TLE3: variants seen among roughly 807,000 people sequenced by gnomAD.
TLE3 encodes transducin-like enhancer protein 3.
Under a neutral mutation model 93.0 loss-of-function variants are expected in TLE3, and 14 were observed. That is an observed-to-expected ratio of 0.15 (90% CI 0.10 to 0.24). The LOEUF is 0.24. Ranked by LOEUF, TLE3 falls within the 10% of genes least tolerant of loss-of-function variation. TLE3 has a pLI of 1.00. For synonymous variants in TLE3, 451 were observed against 425.0 expected (o/e 1.06, Z -0.75); for missense variants, 693 against 1,046.6 (o/e 0.66, Z 4.66).
chr15:70,062,261 C>T (rs1414413990), intron 8 of TLE3, among the ~76,000 whole-genome samples: 2 of 152,256 alleles, frequency 1.3e-5, no homozygotes, highest in Non-Finnish European at 2.9e-5. Context: ...TTAGCTGCTG[C>T]AATCGCCGGC....
chr15:70,070,595 G>C (rs559191927), intron 6 of TLE3, among the ~76,000 whole-genome samples: 1 of 152,198 alleles, frequency 6.6e-6, no homozygotes, highest in South Asian at 2.1e-4. Context: ...CACGCATTGA[G>C]CTTCTGGGGT....
intron 4 of TLE3, among the ~76,000 whole-genome samples, chr15:70,089,558 A>G (rs2058203956): frequency 6.6e-6 from 1 of 152,230 alleles, no homozygotes; most frequent in African/African-American, 2.4e-5. Flanking sequence ...CTCTACTCTC[A>G]GATAACCTGA....
Position 70,097,751 on chromosome 15 carries a change from C to A in TLE3, c.-953G>T. 2.5e-6 allele frequency: 1 copy of A among 395,044 alleles called. No individual in the cohort carries two copies. The highest frequency in any genetic ancestry group is 3.6e-5 in the East Asian group (1 of 27,894). The allele number at this position is 395,044 out of a possible 1,614,324, so 24.5% of individuals were successfully genotyped here. A position where few individuals can be genotyped will look rare whatever the true frequency, so the allele number is the denominator to read the frequency against. ...TCGGCCCGGCTCTCCTCTCCGCGCC[C>A]CGGCAAACCCCCAAAACACACACAC... On this transcript the variant is annotated 5_prime_UTR_variant, in exon 1 of 20. Coordinates refer to ENST00000451782, the MANE Select transcript of TLE3 (RefSeq NM_001105192.3).
chr15:70,096,199 G>A lies in TLE3; in HGVS notation c.87C>T (p.Ile29=). Reference sequence around the variant, plus strand: ...CTTGCAGGAACTGGAATTCGTCTTTGATCCTGTCACAAGACTCAGCCACCG... The same window carrying A: ...CTTGCAGGAACTGGAATTCGTCTTTAATCCTGTCACAAGACTCAGCCACCG... ...KFTVAESCDR[I]KDEFQFLQAQ... is the part of the protein sequence containing the mutation. The change falls in exon 2 of 20, where the codon ATC becomes ATT. Residue 29 remains isoleucine, a synonymous_variant. Coordinates refer to ENST00000451782, the MANE Select transcript of TLE3 (RefSeq NM_001105192.3). The A allele has an allele frequency of 6.4e-7, 1 of 1,561,764 alleles. No homozygotes were observed. The highest frequency in any genetic ancestry group is 2.4e-5 in the East Asian group (1 of 41,730).
intron 8 of TLE3, among the ~76,000 whole-genome samples, chr15:70,061,122 T>C (rs1328930835): frequency 6.6e-6 from 1 of 151,912 alleles, no homozygotes; most frequent in Non-Finnish European, 1.5e-5. Context: ...CCGACAGGAA[T>C]GGGGAGATTG....
chr15:70,093,856 GCCAT>G (rs2058423288), intron 4 of TLE3, among the ~76,000 whole-genome samples: 1 of 152,168 alleles, frequency 6.6e-6, no homozygotes. Context: ...TCAACCCCCA[GCCAT>G]CTCGAAAGTC....
intron 8 of TLE3, among the ~76,000 whole-genome samples, chr15:70,061,890 G>T (rs760532895): frequency 6.6e-6 from 1 of 152,188 alleles, no homozygotes; most frequent in Non-Finnish European, 1.5e-5. Context: ...GAGGTCATAT[G>T]GAGACCCAGA....
At chr15:70,071,533 C>T (rs1190777211) in intron 6 of TLE3, among the ~76,000 whole-genome samples, 2 of 152,166 alleles carry the variant, frequency 1.3e-5, no homozygotes, top group African/African-American at 2.4e-5. Context: ...CCTGCCCATG[C>T]CGGAGGTATC....
Position 70,058,042 on chromosome 15 carries a change from C to T in TLE3, c.1051+117G>A, listed in dbSNP as rs2056199263. On this transcript the variant is annotated intron_variant, in intron 12 of 19. Coordinates refer to ENST00000451782, the MANE Select transcript of TLE3 (RefSeq NM_001105192.3). The surrounding 1 kb of genome is among the most constrained non-coding windows in gnomAD (Gnocchi z 4.1). ...GACCGTGAAGTCCCCAGGGGCAGGCCCTGGGAGACACTGCCTGTGCTCTAT... is the reference window on the plus strand; with the variant it reads ...GACCGTGAAGTCCCCAGGGGCAGGCTCTGGGAGACACTGCCTGTGCTCTAT... 1 of 1,494,416 alleles carries T rather than the reference C, an allele frequency of 6.7e-7. No homozygotes were observed. Among genetic ancestry groups the T allele is most frequent in the Admixed American group, 2.0e-5 (1 of 48,848 alleles). The allele number at this position is 1,494,416 out of a possible 1,614,324, so 92.6% of individuals were successfully genotyped here.
chr15:70,055,431 C>T (rs549217719), intron 14 of TLE3, 133 bp from the exon 15 acceptor site: 15 of 1,331,410 alleles, frequency 1.1e-5, no homozygotes, highest in South Asian at 4.5e-5. Context: ...TGAAACCATT[C>T]GAACCCAGTA....
intron 4 of TLE3, among the ~76,000 whole-genome samples, chr15:70,090,218 G>C (rs1469972200): frequency 6.6e-6 from 1 of 151,634 alleles, no homozygotes; most frequent in Non-Finnish European, 1.5e-5. Flanking sequence ...CCCACTCAGT[G>C]AGAGGACTCG....
intron 4 of TLE3, among the ~76,000 whole-genome samples, chr15:70,090,782 A>G (rs1048041866): frequency 6.6e-6 from 1 of 152,178 alleles, no homozygotes; most frequent in Non-Finnish European, 1.5e-5. Context: ...TATTACACAC[A>G]TCAAATCATT....
At position 70,097,445 on chromosome 15, in the gene TLE3, A is replaced by G. The variant is rs1482218943; in HGVS notation, c.-647T>C. ...AGGAGAGCCTGCTGTTCCGTCTGCT[A>G]CTGCCGCTGCCGCCGCCGCCGCCGC... is the stretch of plus-strand genomic sequence containing the variant. On this transcript the variant is annotated 5_prime_UTR_variant, in exon 1 of 20. Coordinates refer to ENST00000451782, the MANE Select transcript of TLE3 (RefSeq NM_001105192.3). 3 of 417,812 alleles carry G rather than the reference A, an allele frequency of 7.2e-6. No homozygotes were observed. Among genetic ancestry groups the G allele is most frequent in the African/African-American group, 4.1e-5 (2 of 48,758 alleles). The allele number at this position is 417,812 out of a possible 1,614,324, so 25.9% of individuals were successfully genotyped here.
chr15:70,065,922 G>A lies in TLE3; in HGVS notation c.577+92C>T, dbSNP rs141303043. 2.8e-3 allele frequency: 3,806 copies of A among 1,368,714 alleles called. 79 individuals are homozygous for A. In the African/African-American group the frequency reaches 0.045, roughly 16 times the overall value. The allele number at this position is 1,368,714 out of a possible 1,614,324, so 84.8% of individuals were successfully genotyped here. A position where few individuals can be genotyped will look rare whatever the true frequency, so the allele number is the denominator to read the frequency against. ...CCTTGGTAACTCCTGGTCTTAGGACGACAGCACTTGCTGGGTCCACTCACT... is the reference window on the plus strand; with the variant it reads ...CCTTGGTAACTCCTGGTCTTAGGACAACAGCACTTGCTGGGTCCACTCACT... On this transcript the variant is annotated intron_variant, in intron 7 of 19. Coordinates refer to ENST00000451782, the MANE Select transcript of TLE3 (RefSeq NM_001105192.3).
intron 6 of TLE3, among the ~76,000 whole-genome samples, chr15:70,070,422 C>T (rs761221630): frequency 5.3e-5 from 8 of 152,240 alleles, no homozygotes; most frequent in Non-Finnish European, 1.0e-4. Context: ...GTTGTCTAAG[C>T]ATTTCCAGAG....
intron 14 of TLE3, 61 bp downstream of exon 14, chr15:70,056,237 G>T: frequency 6.5e-7 from 1 of 1,539,730 alleles, no homozygotes; most frequent in South Asian, 1.1e-5. Flanking sequence ...TTGGAATTGG[G>T]GGTAGAGTGC....
chr15:70,062,368 T>C (rs1236020715), intron 8 of TLE3, among the ~76,000 whole-genome samples: 1 of 152,150 alleles, frequency 6.6e-6, no homozygotes, highest in Non-Finnish European at 1.5e-5. Flanking sequence ...GGCTGCCCCT[T>C]GCAGGCGGGC....
At chr15:70,054,247 A>T in intron 16 of TLE3, 191 bp downstream of exon 16, 1 of 736,856 alleles carries the variant, frequency 1.4e-6, no homozygotes, top group Non-Finnish European at 2.1e-6. Context: ...CCTGGGCCCA[A>T]TGGCCCTCCC....
chr15:70,052,581 A>T, intron 17 of TLE3, 57 bp from the exon 18 acceptor site: 1 of 1,561,400 alleles, frequency 6.4e-7, no homozygotes, highest in Non-Finnish European at 8.7e-7. Flanking sequence ...CCTCAAGAGG[A>T]GGGCGGCTCC....
Sources: allele counts gnomAD v4.1 joint callset (sites outside exome capture counted in the v4.1 genomes callset), GRCh38; gene constraint gnomAD v4.1.1; non-coding constraint Gnocchi (gnomAD v3.1); transcripts MANE v1.5; gene names NCBI Gene and HGNC (gene_info 2026-07-23, HGNC 2026-07-21).